Variants in MYO6 observed in about 807,000 individuals in gnomAD.
The protein encoded by MYO6 is myosin VI, also known as unconventional myosin-VI.
Under a neutral mutation model 178.7 loss-of-function variants are expected in MYO6, and 74 were observed. That is an observed-to-expected ratio of 0.41 (90% confidence interval 0.34 to 0.50). The LOEUF is 0.50. Ranked by LOEUF, MYO6 falls within the 20% of genes least tolerant of loss-of-function variation. The pLI, the probability that MYO6 is intolerant of heterozygous loss-of-function variation, is 0.09. For missense variants in MYO6, 1,330 were observed against 1,547.4 expected (o/e 0.86, Z 2.36); for synonymous variants, 477 against 504.6 (o/e 0.95, Z 0.73).
intron 30 of MYO6, among the ~76,000 whole-genome samples, chr6:75,907,156 G>A (rs114348263): frequency 0.016 from 2,481 of 152,218 alleles, 71 homozygotes; most frequent in African/African-American, 0.057. Context: ...GTAGATTTCC[G>A]CAGTCTCTCC....
intron 11 of MYO6, among the ~76,000 whole-genome samples, chr6:75,849,331 A>G (rs191001872): frequency 6.6e-6 from 1 of 152,302 alleles, no homozygotes; most frequent in Admixed American, 6.5e-5. Flanking sequence ...GTCAACCCCT[A>G]TATTAAGACA....
chr6:75,757,870 ATTG>A (rs1474504848), intron 1 of MYO6, among the ~76,000 whole-genome samples: 1 of 148,038 alleles, frequency 6.8e-6, no homozygotes, highest in Non-Finnish European at 1.5e-5. Flanking sequence ...ATTCATTATT[ATTG>A]TTGTTACTGT....
chr6:75,861,587 A>G (rs1402919834), intron 15 of MYO6, among the ~76,000 whole-genome samples: 1 of 152,170 alleles, frequency 6.6e-6, no homozygotes, highest in Non-Finnish European at 1.5e-5. Context: ...CTCTGCTTTC[A>G]TTTTAGTGGT....
intron 1 of MYO6, among the ~76,000 whole-genome samples, chr6:75,785,448 G>A (rs1583065636): frequency 1.4e-5 from 2 of 145,534 alleles, no homozygotes; most frequent in East Asian, 2.0e-4. Flanking sequence ...TTTTTGTTTT[G>A]TTTTGTTTTT....
chr6:75,916,507 A>G lies in MYO6; in HGVS notation c.*1495A>G, dbSNP rs1277385772. On this transcript the variant is annotated 3_prime_UTR_variant, in exon 35 of 35. Coordinates refer to ENST00000369977, the MANE Select transcript of MYO6 (RefSeq NM_004999.4). ...AGAATGCAAATGTGATTATCTTTTG[A>G]AGGCTGTATTACTGCATAGCTTCAC... The G allele has an allele frequency of 2.6e-5, 4 of 152,636 alleles. No individual in the cohort carries two copies. The allele number at this position is 152,636 out of a possible 1,614,324, so 9.5% of individuals were successfully genotyped here. A position where few individuals can be genotyped will look rare whatever the true frequency, so the allele number is the denominator to read the frequency against.
At chr6:75,774,260 AT>A (rs1766159125) in intron 1 of MYO6, among the ~76,000 whole-genome samples, 1 of 152,144 alleles carries the variant, frequency 6.6e-6, no homozygotes, top group Non-Finnish European at 1.5e-5. Flanking sequence ...AATGGTATAT[AT>A]TTTTCTAGGT....
intron 1 of MYO6, among the ~76,000 whole-genome samples, chr6:75,791,485 A>G (rs1026608959): frequency 6.6e-6 from 1 of 152,210 alleles, no homozygotes; most frequent in Non-Finnish European, 1.5e-5. Context: ...ATAATAGTAT[A>G]TCCTAAAAAT....
chr6:75,852,225 C>T (rs1033200226), intron 11 of MYO6, among the ~76,000 whole-genome samples: 1 of 151,500 alleles, frequency 6.6e-6, no homozygotes, highest in African/African-American at 2.4e-5. Context: ...TTTTTGAGAG[C>T]TATATAATTT....
At chr6:75,790,075 T>G (rs59782059) in intron 1 of MYO6, among the ~76,000 whole-genome samples, 18 of 152,322 alleles carry the variant, frequency 1.2e-4, no homozygotes, top group African/African-American at 4.3e-4. Flanking sequence ...ATTTCATTCT[T>G]TTTTGTGGCG....
intron 1 of MYO6, among the ~76,000 whole-genome samples, chr6:75,815,800 C>T (rs1279348460): frequency 1.3e-5 from 2 of 152,178 alleles, no homozygotes; most frequent in Non-Finnish European, 2.9e-5. Context: ...TGAGGATCCA[C>T]ATTTGAGAAT....
chr6:75,895,103 A>T, intron 28 of MYO6, 128 bp from the exon 29 acceptor site: 1 of 705,438 alleles, frequency 1.4e-6, no homozygotes, highest in Non-Finnish European at 2.4e-6. Context: ...GAGTGATCTC[A>T]TGTTGATTAC....
At chr6:75,757,659 G>GTAAGAGGA (rs1297976685) in intron 1 of MYO6, among the ~76,000 whole-genome samples, 1 of 151,924 alleles carries the variant, frequency 6.6e-6, no homozygotes, top group African/African-American at 2.4e-5. Context: ...CAGCTCCTGG[G>GTAAGAGGA]TAAGAGGATA....
At chr6:75,792,689 A>G (rs1768368979) in intron 1 of MYO6, among the ~76,000 whole-genome samples, 1 of 152,158 alleles carries the variant, frequency 6.6e-6, no homozygotes, top group East Asian at 1.9e-4. Context: ...AATAGTTCTG[A>G]TAGTTTCGGG....
intron 1 of MYO6, among the ~76,000 whole-genome samples, chr6:75,816,869 TACACTC>T (rs1241726914): frequency 6.6e-6 from 1 of 152,208 alleles, no homozygotes; most frequent in Non-Finnish European, 1.5e-5. Context: ...TGGTATAAAT[TACACTC>T]AACTGGTAAA....
intron 5 of MYO6, 47 bp from the exon 6 acceptor site, chr6:75,832,795 T>C (rs1773234854): frequency 8.6e-7 from 1 of 1,157,758 alleles, no homozygotes; most frequent in Non-Finnish European, 1.3e-6. Context: ...ATTATTAACT[T>C]TATATTTAAT....
At chr6:75,913,679 G>C (rs1780937049) in intron 33 of MYO6, among the ~76,000 whole-genome samples, 1 of 152,108 alleles carries the variant, frequency 6.6e-6, no homozygotes, top group East Asian at 1.9e-4. Context: ...AAAAGTTACT[G>C]TACAAATTTG....
intron 2 of MYO6, among the ~76,000 whole-genome samples, chr6:75,818,075 T>C (rs1205285057): frequency 2.0e-5 from 3 of 152,352 alleles, no homozygotes; most frequent in Non-Finnish European, 2.9e-5. Flanking sequence ...TGTGGAGATA[T>C]CAGATTTTGC....
intron 6 of MYO6, among the ~76,000 whole-genome samples, chr6:75,834,755 T>A (rs185957639): frequency 1.2e-3 from 175 of 148,808 alleles, no homozygotes; most frequent in African/African-American, 3.9e-3. Context: ...TAAATATGTA[T>A]GCTGTTCAGA....
At position 75,916,535 on chromosome 6, in the gene MYO6, A is replaced by C. The variant is rs1781128235; in HGVS notation, c.*1523A>C. On this transcript the variant is annotated 3_prime_UTR_variant, in exon 35 of 35. Transcript: ENST00000369977. ...GCTGTATTACTGCATAGCTTCACCC[A>C]CCCTCGGGTCATTTCGTCCCTGTGA... 6.6e-6 allele frequency: 1 copy of C among 152,498 alleles called. No homozygotes were observed. The highest frequency in any genetic ancestry group is 1.5e-5 in the Non-Finnish European group (1 of 68,022). 9.4% of individuals were successfully genotyped at this position (152,498 alleles called of 1,614,324 possible). A position where few individuals can be genotyped will look rare whatever the true frequency, so the allele number is the denominator to read the frequency against.
Sources: allele counts gnomAD v4.1 joint callset (sites outside exome capture counted in the v4.1 genomes callset), GRCh38; gene constraint gnomAD v4.1.1; transcripts MANE v1.5; gene names NCBI Gene and HGNC (gene_info 2026-07-23, HGNC 2026-07-21).